MTFR1: variants seen among roughly 807,000 people sequenced by gnomAD.
MTFR1 encodes the protein mitochondrial fission regulator 1.
In MTFR1, 28 loss-of-function variants were observed where a neutral mutation model predicts 38.8. That is an observed-to-expected ratio of 0.72 (90% CI 0.53 to 0.99). The LOEUF (loss-of-function observed/expected upper bound fraction) is 0.99. MTFR1 is among the 50% of genes least tolerant of loss of function. MTFR1 has a pLI of 0.00. For synonymous variants in MTFR1, 145 were observed against 137.0 expected (o/e 1.06, Z -0.41); for missense variants, 358 against 395.5 (o/e 0.91, Z 0.81).
At chr8:65,694,123 C>T (rs1026101429) in intron 4 of MTFR1, among the ~76,000 whole-genome samples, 14 of 149,050 alleles carry the variant, frequency 9.4e-5, no homozygotes, top group African/African-American at 3.5e-4. Context: ...CACCCACGCT[C>T]CAGTGCAGTG....
intron 1 of MTFR1, among the ~76,000 whole-genome samples, chr8:65,647,875 G>T (rs1809004822): frequency 6.6e-6 from 1 of 151,950 alleles, no homozygotes; most frequent in Non-Finnish European, 1.5e-5. Flanking sequence ...GGTGATAACA[G>T]TTTTAGTTAA....
chr8:65,673,994 A>G (rs976592370), intron 2 of MTFR1, among the ~76,000 whole-genome samples: 2 of 152,198 alleles, frequency 1.3e-5, no homozygotes, highest in Non-Finnish European at 2.9e-5. Context: ...GCTGTTGGAG[A>G]AATGGCGTCA....
chr8:65,694,006 GATTCTCCCAC>G (rs1159401934), intron 4 of MTFR1, among the ~76,000 whole-genome samples: 1 of 150,242 alleles, frequency 6.7e-6, no homozygotes, highest in African/African-American at 2.4e-5. Flanking sequence ...AGGCTCATGT[GATTCTCCCAC>G]CTCAGCCTCC....
intron 3 of MTFR1, among the ~76,000 whole-genome samples, chr8:65,766,517 AT>A (rs2128917774): frequency 6.6e-6 from 1 of 152,340 alleles, no homozygotes; most frequent in East Asian, 1.9e-4. Context: ...ATAGTAAAAA[AT>A]GATGCTTAGG....
intron 1 of MTFR1, among the ~76,000 whole-genome samples, chr8:65,668,181 T>C (rs1008133559): frequency 3.5e-5 from 5 of 142,210 alleles, no homozygotes; most frequent in Non-Finnish European, 6.0e-5. Context: ...TTTTTTTTTT[T>C]TTCTTTTTTT....
intron 3 of MTFR1, among the ~76,000 whole-genome samples, chr8:65,764,182 C>T (rs1258023669): frequency 1.3e-5 from 2 of 152,056 alleles, no homozygotes; most frequent in Non-Finnish European, 2.9e-5. Flanking sequence ...ATAGAAAAGA[C>T]AGGAAAAAGG....
intron 3 of MTFR1, among the ~76,000 whole-genome samples, chr8:65,753,410 T>C (rs899832959): frequency 6.6e-6 from 1 of 152,140 alleles, no homozygotes; most frequent in Non-Finnish European, 1.5e-5. Flanking sequence ...CTCTAAACCA[T>C]ACTGGGCCCA....
At chr8:65,741,513 T>C (rs1283472945) in intron 3 of MTFR1, among the ~76,000 whole-genome samples, 1 of 152,238 alleles carries the variant, frequency 6.6e-6, no homozygotes, top group East Asian at 1.9e-4. Context: ...ACAGAAAAGA[T>C]GTGGCAGGCC....
At chr8:65,656,216 A>G (rs1359160568) in intron 1 of MTFR1, among the ~76,000 whole-genome samples, 3 of 151,304 alleles carry the variant, frequency 2.0e-5, no homozygotes, top group African/African-American at 7.3e-5. Flanking sequence ...AAACAAAACA[A>G]AAACAAACAA....
intron 5 of MTFR1, 55 bp downstream of exon 5, chr8:65,704,984 T>G (rs1563457724): frequency 7.1e-7 from 1 of 1,404,066 alleles, no homozygotes; most frequent in East Asian, 2.5e-5. Flanking sequence ...GTTAGGAGAA[T>G]GCTACTTACT....
chr8:65,716,554 T>C (rs1010444726), intron 2 of MTFR1, among the ~76,000 whole-genome samples: 18 of 152,058 alleles, frequency 1.2e-4, no homozygotes, highest in Non-Finnish European at 1.9e-4. Context: ...CAAAGGGACA[T>C]GGGTGCACGA....
downstream of MTFR1, among the ~76,000 whole-genome samples, chr8:65,771,677 C>T (rs746049411): frequency 6.6e-6 from 1 of 151,892 alleles, no homozygotes; most frequent in Non-Finnish European, 1.5e-5. Context: ...GAGTTCGAGA[C>T]CAGCCTGGCC....
intron 1 of MTFR1, among the ~76,000 whole-genome samples, chr8:65,650,487 C>CT (rs757057047): frequency 2.0e-4 from 31 of 152,212 alleles, no homozygotes; most frequent in Non-Finnish European, 3.2e-4. Context: ...TCCTTATACT[C>CT]TTATCTGCAT....
chr8:65,730,290 T>C (rs986440752), intron 3 of MTFR1, among the ~76,000 whole-genome samples: 5 of 150,182 alleles, frequency 3.3e-5, no homozygotes, highest in African/African-American at 1.2e-4. Context: ...AAGTGATTCT[T>C]CTGCCTCAGC....
At chr8:65,756,813 A>AT (rs1002267980) in intron 3 of MTFR1, among the ~76,000 whole-genome samples, 2 of 150,290 alleles carry the variant, frequency 1.3e-5, no homozygotes, top group African/African-American at 4.9e-5. Flanking sequence ...TATGTTTTGT[A>AT]TTTTTTTGTT....
At chr8:65,723,762 T>G in intron 3 of MTFR1, 1 of 509,354 alleles carries the variant, frequency 2.0e-6, no homozygotes, top group Non-Finnish European at 3.2e-6. Flanking sequence ...AATTAGTTCT[T>G]TTTAAAATTT....
intron 1 of MTFR1, among the ~76,000 whole-genome samples, chr8:65,651,198 C>A (rs1469640027): frequency 1.3e-5 from 2 of 152,186 alleles, no homozygotes; most frequent in Non-Finnish European, 2.9e-5. Context: ...GGTTGTTAAT[C>A]CCTTGTCAGG....
downstream of MTFR1, among the ~76,000 whole-genome samples, chr8:65,773,005 C>T (rs1395523314): frequency 2.0e-5 from 3 of 151,302 alleles, no homozygotes; most frequent in Admixed American, 6.6e-5. Flanking sequence ...GAGACTCTGT[C>T]TCAAAAAAAA....
At chr8:65,660,771 A>C (rs1396860618) in intron 1 of MTFR1, among the ~76,000 whole-genome samples, 1 of 152,200 alleles carries the variant, frequency 6.6e-6, no homozygotes, top group African/African-American at 2.4e-5. Flanking sequence ...TTGCACTGAG[A>C]TGTTTAGAGC....
Sources: allele counts gnomAD v4.1 joint callset (sites outside exome capture counted in the v4.1 genomes callset), GRCh38; gene constraint gnomAD v4.1.1; transcripts MANE v1.5; gene names NCBI Gene and HGNC (gene_info 2026-07-23, HGNC 2026-07-21).